ME3: variants seen among roughly 807,000 people sequenced by gnomAD.
ME3 encodes the protein NADP-dependent malic enzyme, mitochondrial.
Under a neutral mutation model 68.9 loss-of-function variants are expected in ME3, and 48 were observed. The ratio of observed to expected loss-of-function variants is 0.70; its 90% confidence interval spans 0.55 to 0.89. The LOEUF is 0.89. ME3 is among the 40% of genes least tolerant of loss of function. The pLI is 0.00. For synonymous variants in ME3, 320 were observed against 318.8 expected, an observed-to-expected ratio of 1.00 and a Z score of -0.04; for missense variants, 675 against 797.4, an observed-to-expected ratio of 0.85 and a Z score of 1.85.
intron 2 of ME3, among the ~76,000 whole-genome samples, chr11:86,662,425 C>T (rs917253706): frequency 6.6e-6 from 1 of 151,790 alleles, no homozygotes; most frequent in African/African-American, 2.4e-5. Context: ...CTTGTCTCTA[C>T]AGAAAATTAA....
At chr11:86,498,718 C>A (rs1952525027) in intron 5 of ME3, among the ~76,000 whole-genome samples, 1 of 152,112 alleles carries the variant, frequency 6.6e-6, no homozygotes, top group Admixed American at 6.5e-5. Context: ...TTGCTGAGGG[C>A]CTACTATGTG....
At chr11:86,590,103 G>C (rs1958973999) in intron 2 of ME3, among the ~76,000 whole-genome samples, 2 of 152,208 alleles carry the variant, frequency 1.3e-5, no homozygotes, top group Non-Finnish European at 2.9e-5. Context: ...CGTTGCCACA[G>C]ATGAGTTGGT....
chr11:86,564,547 A>C (rs555270063), intron 2 of ME3, among the ~76,000 whole-genome samples: 1 of 152,028 alleles, frequency 6.6e-6, no homozygotes, highest in Non-Finnish European at 1.5e-5. Context: ...AAATAAACTC[A>C]TACATCTATG....
At chr11:86,438,231 G>T (rs1948908109), downstream of ME3, among the ~76,000 whole-genome samples, 1 of 151,968 alleles carries the variant, frequency 6.6e-6, no homozygotes, top group African/African-American at 2.4e-5. Flanking sequence ...CTATTGGCAT[G>T]ATCATATGAT....
At chr11:86,531,398 G>T (rs1279952563) in intron 4 of ME3, among the ~76,000 whole-genome samples, 1 of 152,274 alleles carries the variant, frequency 6.6e-6, no homozygotes, top group African/African-American at 2.4e-5. Flanking sequence ...TACACTGTTG[G>T]TGGGACTGTA....
chr11:86,520,253 A>G (rs1954173610), intron 4 of ME3, among the ~76,000 whole-genome samples: 1 of 152,144 alleles, frequency 6.6e-6, no homozygotes, highest in African/African-American at 2.4e-5. Context: ...ATGTGACTCC[A>G]TCAGTGGGAC....
intron 2 of ME3, among the ~76,000 whole-genome samples, chr11:86,607,663 C>T (rs1961904308): frequency 2.0e-5 from 3 of 149,832 alleles, no homozygotes; most frequent in African/African-American, 7.4e-5. Flanking sequence ...TTTTCAGCTT[C>T]CAATAGATCA....
chr11:86,603,474 A>C lies in ME3; in HGVS notation c.184-43651T>G, dbSNP rs553879325. 2.0e-3 allele frequency among the ~76,000 whole-genome samples: 299 copies of C among 152,326 alleles called. 4 individuals carry two copies. Among genetic ancestry groups the C allele is most frequent in the South Asian group, 4.1e-4 (2 of 4,822 alleles). On this transcript the variant is annotated intron_variant, in intron 2 of 14. Transcript: ENST00000543262. ...ACAAGTGCTGGAGAGGATGTGGAGA[A>C]ATAGGAACACTTTTACACGGTGGGA...
intron 8 of ME3, among the ~76,000 whole-genome samples, chr11:86,464,480 G>C (rs1245618345): frequency 6.6e-6 from 1 of 152,180 alleles, no homozygotes; most frequent in East Asian, 1.9e-4. Context: ...GCTTTGGAAG[G>C]CTCTGGGTTC....
chr11:86,458,418 A>G lies in ME3; in HGVS notation c.919+6673T>C, dbSNP rs141294684. 6.4e-3 allele frequency among the ~76,000 whole-genome samples: 974 copies of G among 152,228 alleles called. 12 individuals carry two copies. The highest frequency in any genetic ancestry group is 0.021 in the African/African-American group (855 of 41,542). ...TAGAGGGCACTTCTCTGGCCAATGG[A>G]GAAGATAGGGTTAGGCCTGTTTTGC... On this transcript the variant is annotated intron_variant, in intron 8 of 14. Transcript: ENST00000543262.
intron 2 of ME3, among the ~76,000 whole-genome samples, chr11:86,589,814 A>T (rs902585263): frequency 2.0e-5 from 3 of 152,180 alleles, no homozygotes; most frequent in Admixed American, 1.3e-4. Context: ...TAAATAAGGG[A>T]TCTTACTTGT....
chr11:86,613,852 A>T (rs747406600), intron 2 of ME3, among the ~76,000 whole-genome samples: 5 of 152,218 alleles, frequency 3.3e-5, no homozygotes, highest in Non-Finnish European at 7.3e-5. Context: ...TTCCATCCTC[A>T]TGGGTAGGAA....
intron 2 of ME3, among the ~76,000 whole-genome samples, chr11:86,669,416 GA>G (rs1235815256): frequency 6.6e-6 from 1 of 152,200 alleles, no homozygotes; most frequent in Non-Finnish European, 1.5e-5. Flanking sequence ...AATTGATAAG[GA>G]AAAGAGGTTT....
chr11:86,455,082 A>G (rs190687301), intron 8 of ME3, among the ~76,000 whole-genome samples: 12 of 152,362 alleles, frequency 7.9e-5, no homozygotes, highest in African/African-American at 2.9e-4. Flanking sequence ...GCTGTGGCCT[A>G]GAGGGAGTGC....
intron 2 of ME3, among the ~76,000 whole-genome samples, chr11:86,576,046 G>A (rs1225468631): frequency 6.6e-6 from 1 of 152,182 alleles, no homozygotes; most frequent in Non-Finnish European, 1.5e-5. Context: ...CATCGACAAA[G>A]CTGGAATAAT....
intron 2 of ME3, among the ~76,000 whole-genome samples, chr11:86,670,128 T>C (rs1946826977): frequency 6.6e-6 from 1 of 152,216 alleles, no homozygotes; most frequent in Non-Finnish European, 1.5e-5. Context: ...GGTTTGGGAA[T>C]GGGAAGAGAG....
intron 4 of ME3, among the ~76,000 whole-genome samples, chr11:86,534,081 GTATATATATATA>G (rs57566563): frequency 4.7e-4 from 60 of 127,352 alleles, no homozygotes; most frequent in South Asian, 4.3e-3. Context: ...GTGTGTGTGT[GTATATATATATA>G]TATATATATA....
chr11:86,600,827 C>T (rs1349112167), intron 2 of ME3, among the ~76,000 whole-genome samples: 3 of 151,904 alleles, frequency 2.0e-5, no homozygotes, highest in Admixed American at 2.0e-4. Flanking sequence ...TACATGGAAA[C>T]TGAACAACCT....
intron 2 of ME3, among the ~76,000 whole-genome samples, chr11:86,590,469 G>C (rs1024615122): frequency 1.3e-5 from 2 of 152,222 alleles, no homozygotes; most frequent in African/African-American, 4.8e-5. Flanking sequence ...AGTGGGGAAA[G>C]CTTCACAGAA....
Sources: allele counts gnomAD v4.1 joint callset (sites outside exome capture counted in the v4.1 genomes callset), GRCh38; gene constraint gnomAD v4.1.1; transcripts MANE v1.5; gene names NCBI Gene and HGNC (gene_info 2026-07-23, HGNC 2026-07-21).